The following XYLB variants were observed in gnomAD, a reference collection of about 807,000 sequenced individuals.
XYLB encodes xylulose kinase.
XYLB carries 62 observed loss-of-function variants against 78.7 expected under a neutral mutation model. The ratio of observed to expected loss-of-function variants is 0.79; its 90% CI spans 0.64 to 0.97. The LOEUF is 0.97. XYLB is among the 50% of genes least tolerant of loss of function. XYLB has a pLI of 0.00. For synonymous variants in XYLB, 245 were observed against 247.4 expected (o/e 0.99, Z 0.09); for missense variants, 687 against 676.8 (o/e 1.02, Z -0.17).
the XYLB span, among the ~76,000 whole-genome samples, chr3:38,431,517 C>T: frequency 3.3e-5 from 5 of 152,222 alleles, no homozygotes; most frequent in Admixed American, 3.3e-4. Context: ...TTGACTTCCT[C>T]TTTTCCTAAT....
At chr3:38,372,561 CTG>C in intron 9 of XYLB, 92 bp from the exon 10 acceptor site, 2 of 1,599,850 alleles carry the variant, frequency 1.3e-6, no homozygotes, top group Non-Finnish European at 1.7e-6. Context: ...GACCTGGAGA[CTG>C]TAGCGTTTTC....
chr3:38,421,131 G>C (rs1224475042), downstream of XYLB: 3 of 152,280 alleles, frequency 2.0e-5, no homozygotes, highest in Non-Finnish European at 4.4e-5. Context: ...GTCAAGCTCT[G>C]TTTGTGGCTC....
At chr3:38,404,038 C>T (rs1185420917) in intron 18 of XYLB, among the ~76,000 whole-genome samples, 3 of 152,120 alleles carry the variant, frequency 2.0e-5, no homozygotes, top group African/African-American at 7.2e-5. Flanking sequence ...CTCTGTGGCA[C>T]CTACAGCACT....
intron 4 of XYLB, among the ~76,000 whole-genome samples, chr3:38,364,182 A>G (rs1366338537): frequency 6.6e-6 from 1 of 151,846 alleles, no homozygotes; most frequent in Non-Finnish European, 1.5e-5. Flanking sequence ...AATTCTCCCC[A>G]TCCACCCAGG....
downstream of XYLB, among the ~76,000 whole-genome samples, chr3:38,417,692 C>A (rs953820321): frequency 4.0e-5 from 6 of 151,788 alleles, no homozygotes; most frequent in African/African-American, 1.2e-4. Context: ...CCAGCCTGGT[C>A]AAAATGGTGA....
At position 38,359,569 on chromosome 3, in the gene XYLB, A is replaced by T. The variant is rs569517403; in HGVS notation, c.141-770A>T. ...AAGTTATAATTGTGTACATATGAAT[A>T]GTTCATATTTTTTCTTGCTCTGTAG... On this transcript the variant is annotated intron_variant, in intron 2 of 18. Transcript: ENST00000207870. Among the ~76,000 whole-genome samples the T allele has an allele frequency of 2.6e-5, 4 of 152,346 alleles. No individual in the cohort carries two copies. The South Asian group carries it at 8.3e-4, about 32-fold the overall frequency.
chr3:38,388,971 A>G (rs1423454403), intron 15 of XYLB, among the ~76,000 whole-genome samples: 1 of 148,424 alleles, frequency 6.7e-6, no homozygotes, highest in African/African-American at 2.5e-5. Flanking sequence ...TTTATTGATC[A>G]TTCTTGGGTG....
the XYLB span, among the ~76,000 whole-genome samples, chr3:38,439,528 C>T: frequency 4.6e-5 from 7 of 152,162 alleles, no homozygotes; most frequent in Non-Finnish European, 8.8e-5. Flanking sequence ...TTTGGGAGGC[C>T]GAGGCAGGCA....
intron 9 of XYLB, among the ~76,000 whole-genome samples, chr3:38,372,092 G>C (rs1035195845): frequency 6.6e-6 from 1 of 152,180 alleles, no homozygotes; most frequent in African/African-American, 2.4e-5. Context: ...TGTCACATGT[G>C]GGGGAACCAC....
At chr3:38,381,908 C>T (rs908056016) in intron 15 of XYLB, among the ~76,000 whole-genome samples, 5 of 152,208 alleles carry the variant, frequency 3.3e-5, no homozygotes, top group Non-Finnish European at 5.9e-5. Flanking sequence ...ATTCTATTAT[C>T]CTGTTAAGTA....
intron 8 of XYLB, among the ~76,000 whole-genome samples, chr3:38,369,025 T>C (rs1706405729): frequency 6.6e-6 from 1 of 152,124 alleles, no homozygotes; most frequent in Non-Finnish European, 1.5e-5. Flanking sequence ...AACTCTTGGA[T>C]GAGCCTAAGT....
intron 17 of XYLB, among the ~76,000 whole-genome samples, chr3:38,397,495 A>G (rs1256234684): frequency 6.6e-6 from 1 of 152,190 alleles, no homozygotes; most frequent in Non-Finnish European, 1.5e-5. Flanking sequence ...GGAGAGGTGG[A>G]CAAAGTCCAG....
intron 2 of XYLB, among the ~76,000 whole-genome samples, chr3:38,351,349 C>T (rs1705355182): frequency 6.6e-6 from 1 of 151,790 alleles, no homozygotes; most frequent in Non-Finnish European, 1.5e-5. Flanking sequence ...CTCTCTCTTC[C>T]ACTTAATAAG....
intron 15 of XYLB, among the ~76,000 whole-genome samples, chr3:38,381,406 G>A (rs6771940): frequency 0.087 from 13,197 of 152,178 alleles, 782 homozygotes; most frequent in Middle Eastern, 0.19. Context: ...TGTACAGCAT[G>A]TGTGTTTGAG....
At chr3:38,368,320 C>T in intron 8 of XYLB, 63 bp downstream of exon 8, 1 of 1,489,130 alleles carries the variant, frequency 6.7e-7, no homozygotes, top group Non-Finnish European at 9.4e-7. Context: ...GGTGTGCAAG[C>T]AGTGGGAGCC....
the XYLB span, among the ~76,000 whole-genome samples, chr3:38,448,645 A>C: frequency 1.6e-4 from 24 of 152,330 alleles, no homozygotes; most frequent in East Asian, 4.6e-3. Context: ...GATTGATAGA[A>C]TTTCTTTAAA....
chr3:38,430,769 A>G, the XYLB span, among the ~76,000 whole-genome samples: 1 of 152,242 alleles, frequency 6.6e-6, no homozygotes, highest in Non-Finnish European at 1.5e-5. Context: ...AGCTTTCTAC[A>G]CATGGCTAGC....
chr3:38,372,010 C>A (rs1706592546), intron 9 of XYLB, among the ~76,000 whole-genome samples: 1 of 152,156 alleles, frequency 6.6e-6, no homozygotes, highest in South Asian at 2.1e-4. Context: ...CAAGAAGGAG[C>A]CTGTGCAGAC....
At chr3:38,445,634 G>A in the XYLB span, among the ~76,000 whole-genome samples, 2 of 152,202 alleles carry the variant, frequency 1.3e-5, no homozygotes, top group Non-Finnish European at 2.9e-5. Context: ...CCTTGGAGCT[G>A]AATGGCTTTC....
Sources: allele counts gnomAD v4.1 joint callset (sites outside exome capture counted in the v4.1 genomes callset), GRCh38; gene constraint gnomAD v4.1.1; transcripts MANE v1.5; gene names NCBI Gene and HGNC (gene_info 2026-07-23, HGNC 2026-07-21).